Variants in CYYR1 observed in about 807,000 individuals in gnomAD.
CYYR1 encodes the protein cysteine and tyrosine rich 1, also known as cysteine and tyrosine-rich protein 1.
Under a neutral mutation model 15.2 loss-of-function variants are expected in CYYR1, and 14 were observed. That is an observed-to-expected ratio of 0.92 (90% CI 0.61 to 1.44). The LOEUF (loss-of-function observed/expected upper bound fraction) is 1.44, where lower values mean the gene tolerates loss of function less well. Ranked by LOEUF, CYYR1 falls within the 40% of genes most tolerant of loss-of-function variation. The pLI, the probability that CYYR1 is intolerant of heterozygous loss-of-function variation, is 0.00. For synonymous variants in CYYR1, 80 were observed against 77.4 expected (o/e 1.03, Z -0.18); for missense variants, 228 against 209.5 (o/e 1.09, Z -0.54).
rs144983544 is a variant in CYYR1, at chr21:26,512,343, C to T, written c.177-31914G>A. Among the ~76,000 whole-genome samples the T allele has an allele frequency of 1.1e-3, 171 of 152,124 alleles. 1 individual carries two copies. The East Asian group carries it at 0.021, about 18-fold the overall frequency. On this transcript the variant is annotated intron_variant, in intron 2 of 3. Transcript: ENST00000652641. ...CCTCCCAAGTAGCTGGGATTACAGG[C>T]GCATGCCACCATGCCTGGCTAATTT...
intron 2 of CYYR1, among the ~76,000 whole-genome samples, chr21:26,495,038 C>A (rs914616098): frequency 2.0e-5 from 3 of 152,124 alleles, no homozygotes; most frequent in African/African-American, 7.2e-5. Context: ...AGAGGAACAA[C>A]CTGAGAAATG....
intron 3 of CYYR1, among the ~76,000 whole-genome samples, chr21:26,478,779 G>A (rs2065135428): frequency 6.6e-6 from 1 of 152,128 alleles, no homozygotes; most frequent in Non-Finnish European, 1.5e-5. Context: ...TACTAGGGGA[G>A]TAACAATATC....
At chr21:26,485,306 A>C (rs2123419582) in intron 2 of CYYR1, among the ~76,000 whole-genome samples, 1 of 152,218 alleles carries the variant, frequency 6.6e-6, no homozygotes, top group African/African-American at 2.4e-5. Context: ...TAACAATGGC[A>C]CAACATGAAA....
chr21:26,503,823 C>CA (rs1487532803), intron 2 of CYYR1: 2 of 152,106 alleles, frequency 1.3e-5, no homozygotes, highest in Non-Finnish European at 2.9e-5. Context: ...TTGAATTGTA[C>CA]AAATCCATAC....
intron 2 of CYYR1, among the ~76,000 whole-genome samples, chr21:26,530,321 A>G (rs748770435): frequency 1.9e-4 from 29 of 152,224 alleles, no homozygotes; most frequent in Admixed American, 7.2e-4. Flanking sequence ...TAAGTATAAT[A>G]TAAATAACTA....
intron 2 of CYYR1, among the ~76,000 whole-genome samples, chr21:26,501,711 T>C (rs982590120): frequency 1.3e-5 from 2 of 152,210 alleles, no homozygotes; most frequent in African/African-American, 4.8e-5. Context: ...TTTCATTTTA[T>C]GTTATCTCGA....
intron 2 of CYYR1, among the ~76,000 whole-genome samples, chr21:26,559,818 A>G (rs1490153956): frequency 6.6e-6 from 1 of 152,158 alleles, no homozygotes; most frequent in Non-Finnish European, 1.5e-5. Flanking sequence ...TTATCCATTA[A>G]CCAATATCAC....
At chr21:26,527,544 T>C (rs1044620606) in intron 2 of CYYR1, among the ~76,000 whole-genome samples, 5 of 152,238 alleles carry the variant, frequency 3.3e-5, no homozygotes, top group Non-Finnish European at 7.3e-5. Flanking sequence ...GGACAATTAT[T>C]ATTGAAAATA....
At chr21:26,498,348 G>C (rs1163540309) in intron 2 of CYYR1, among the ~76,000 whole-genome samples, 2 of 152,084 alleles carry the variant, frequency 1.3e-5, no homozygotes. Context: ...AAGATGTTAA[G>C]GAAGAAGTAA....
In CYYR1 at chr21:26,573,008, G is replaced by A. The variant is rs1315528135; in HGVS notation, c.-68C>T. The A allele has an allele frequency of 6.2e-6, 10 of 1,611,198 alleles. No homozygotes were observed. The Admixed American group carries it at 1.7e-4, about 27-fold the overall frequency. ...AACCGGAGGGAATGGGGAGGATGGA[G>A]GGCGATCAGATGGAGAGAGCAGCGC... On this transcript the variant is annotated 5_prime_UTR_variant, in exon 1 of 4. Coordinates refer to ENST00000652641, the MANE Select transcript of CYYR1 (RefSeq NM_001320768.2).
chr21:26,558,898 A>G (rs113821857), intron 2 of CYYR1, among the ~76,000 whole-genome samples: 2,105 of 152,230 alleles, frequency 0.014, 35 homozygotes, highest in African/African-American at 0.047. Context: ...GTTGCTTCCA[A>G]TGTTTTGCTA....
At chr21:26,539,226 C>T (rs1158896383) in intron 2 of CYYR1, among the ~76,000 whole-genome samples, 1 of 152,078 alleles carries the variant, frequency 6.6e-6, no homozygotes, top group Non-Finnish European at 1.5e-5. Flanking sequence ...TAGGTCTTTA[C>T]TTCTGGGTGA....
At chr21:26,557,212 T>C (rs1979853090) in intron 2 of CYYR1, among the ~76,000 whole-genome samples, 1 of 152,144 alleles carries the variant, frequency 6.6e-6, no homozygotes, top group African/African-American at 2.4e-5. Flanking sequence ...AAATGGTAGT[T>C]CTCTTTCTTC....
At chr21:26,529,771 T>TAA (rs1223175619) in intron 2 of CYYR1, among the ~76,000 whole-genome samples, 2 of 152,244 alleles carry the variant, frequency 1.3e-5, no homozygotes, top group African/African-American at 4.8e-5. Flanking sequence ...GGTTCAATGC[T>TAA]ATTGGATTTT....
At chr21:26,545,700 C>A (rs1978923920) in intron 2 of CYYR1, among the ~76,000 whole-genome samples, 1 of 151,178 alleles carries the variant, frequency 6.6e-6, no homozygotes, top group South Asian at 2.1e-4. Flanking sequence ...CCACCTCAGC[C>A]TCCCCAGTAG....
intron 2 of CYYR1, among the ~76,000 whole-genome samples, chr21:26,508,310 T>C (rs994944768): frequency 6.6e-6 from 1 of 152,156 alleles, no homozygotes; most frequent in Non-Finnish European, 1.5e-5. Flanking sequence ...GTTTAGCACA[T>C]TCTTGCAGAA....
In CYYR1 at chr21:26,476,585, C is replaced by CT. The variant is rs1555902962; in HGVS notation, c.334+3686_334+3687insA. Among the ~76,000 whole-genome samples, 596 of 143,842 alleles carry CT rather than the reference C, an allele frequency of 4.1e-3. 4 individuals are homozygous for CT. Among genetic ancestry groups the CT allele is most frequent in the African/African-American group, 0.015 (547 of 36,358 alleles). 94.4% of individuals were successfully genotyped at this position (143,842 alleles called of 152,430 possible). A position where few individuals can be genotyped will look rare whatever the true frequency, so the allele number is the denominator to read the frequency against. Reference sequence around the variant, plus strand: ...CCAATTGTTTGTCTACCCTATCTATCATCTATCTATCTATCTATCTATCTA... The same window carrying CT: ...CCAATTGTTTGTCTACCCTATCTATCTATCTATCTATCTATCTATCTATCTA... On this transcript the variant is annotated intron_variant, in intron 3 of 3. Transcript: ENST00000652641.
intron 2 of CYYR1, among the ~76,000 whole-genome samples, chr21:26,505,285 A>G (rs980616570): frequency 3.7e-4 from 57 of 152,284 alleles, no homozygotes; most frequent in Admixed American, 1.2e-3. Flanking sequence ...CCCTCCAAAA[A>G]TTGTTATCCC....
chr21:26,559,066 C>G (rs1366461674), intron 2 of CYYR1, among the ~76,000 whole-genome samples: 1 of 152,144 alleles, frequency 6.6e-6, no homozygotes, highest in East Asian at 1.9e-4. Flanking sequence ...CTATGTGGAA[C>G]AGTTCTTGTT....
Sources: allele counts gnomAD v4.1 joint callset (sites outside exome capture counted in the v4.1 genomes callset), GRCh38; gene constraint gnomAD v4.1.1; transcripts MANE v1.5; gene names NCBI Gene and HGNC (gene_info 2026-07-23, HGNC 2026-07-21).